SLMAP: variants seen among roughly 807,000 people sequenced by gnomAD.
SLMAP encodes the protein sarcolemmal membrane-associated protein.
SLMAP carries 44 observed loss-of-function variants against 128.8 expected under a neutral mutation model. The observed-to-expected ratio is 0.34, with a 90% CI of 0.27 to 0.44. SLMAP has a LOEUF of 0.44. SLMAP is among the 20% of genes least tolerant of loss of function. SLMAP has a pLI of 1.00. For missense variants in SLMAP, 787 were observed against 985.3 expected (o/e 0.80, Z 2.69); for synonymous variants, 327 against 348.8 (o/e 0.94, Z 0.70).
At chr3:57,925,338 T>TTC (rs1288368218) in intron 23 of SLMAP, among the ~76,000 whole-genome samples, 1 of 125,066 alleles carries the variant, frequency 8.0e-6, no homozygotes, top group Non-Finnish European at 1.8e-5. Flanking sequence ...CTTTCTCTTT[T>TTC]TTTTTTTTTT....
chr3:57,868,957 A>T (rs1270356757), intron 13 of SLMAP, among the ~76,000 whole-genome samples: 1 of 134,856 alleles, frequency 7.4e-6, no homozygotes, highest in African/African-American at 2.7e-5. Flanking sequence ...ATTATATATA[A>T]TATATGTGTG....
chr3:57,848,520 CCTT>C (rs2094371785), intron 5 of SLMAP, among the ~76,000 whole-genome samples: 1 of 147,164 alleles, frequency 6.8e-6, no homozygotes, highest in Admixed American at 6.9e-5. Flanking sequence ...TCTTCTTCTT[CCTT>C]CTTTCTCCTT....
chr3:57,775,663 C>A (rs2081773076), intron 2 of SLMAP, among the ~76,000 whole-genome samples: 1 of 152,090 alleles, frequency 6.6e-6, no homozygotes, highest in African/African-American at 2.4e-5. Context: ...GCACTCCAGC[C>A]TGGGAGACAG....
At chr3:57,927,214 G>T in intron 24 of SLMAP, 82 bp from the exon 25 acceptor site, 1 of 745,196 alleles carries the variant, frequency 1.3e-6, no homozygotes, top group South Asian at 1.9e-5. Flanking sequence ...TAAGTATTCA[G>T]GACTCTCTGG....
At chr3:57,869,392 A>G (rs960509524) in intron 13 of SLMAP, among the ~76,000 whole-genome samples, 4 of 151,322 alleles carry the variant, frequency 2.6e-5, no homozygotes, top group African/African-American at 9.7e-5. Context: ...AGACACACCC[A>G]GGATTAATAC....
chr3:57,918,258 T>G (rs2096851574), intron 22 of SLMAP: 1 of 152,242 alleles, frequency 6.6e-6, no homozygotes, highest in South Asian at 2.1e-4. Flanking sequence ...TATGCCATAA[T>G]TCTTTCAAAC....
At position 57,836,318 on chromosome 3, in the gene SLMAP, T is replaced by G. The variant is rs1431746043; in HGVS notation, c.346+4788T>G. On this transcript the variant is annotated intron_variant, in intron 3 of 24. Coordinates refer to ENST00000671191, the MANE Select transcript of SLMAP (RefSeq NM_001377540.1). ...TCACCCAGTATGTAGGACATTTATG[T>G]ATTTATATAAACTAATTTGTGTATA... Among the ~76,000 whole-genome samples, 4 of 152,156 alleles carry G rather than the reference T, an allele frequency of 2.6e-5. No individual in the cohort carries two copies. The East Asian group carries it at 7.7e-4, about 29-fold the overall frequency.
chr3:57,910,670 A>G (rs766971919), intron 19 of SLMAP, among the ~76,000 whole-genome samples: 2 of 152,142 alleles, frequency 1.3e-5, no homozygotes, highest in Non-Finnish European at 2.9e-5. Flanking sequence ...CTGGTATATT[A>G]TGAGGAAATT....
Position 57,914,643 on chromosome 3 carries a change from C to T in SLMAP, c.2138+1368C>T, listed in dbSNP as rs182086576. Among the ~76,000 whole-genome samples, 27 of 151,364 alleles carry T rather than the reference C, an allele frequency of 1.8e-4. 1 individual carries two copies. In the East Asian group the frequency reaches 4.3e-3, roughly 24 times the overall value. ...TGTGGCCCAGGCTAGAGATCAGTGGCGCGATCTCAGCTCATCACAACCTCC... is the reference window on the plus strand; with the variant it reads ...TGTGGCCCAGGCTAGAGATCAGTGGTGCGATCTCAGCTCATCACAACCTCC... On this transcript the variant is annotated intron_variant, in intron 21 of 24. Transcript: ENST00000671191.
intron 19 of SLMAP, 73 bp downstream of exon 19, chr3:57,909,223 C>A: frequency 8.9e-7 from 1 of 1,119,172 alleles, no homozygotes; most frequent in Non-Finnish European, 1.3e-6. Context: ...GGAATGGAGG[C>A]CAGGCGCAGT....
intron 3 of SLMAP, among the ~76,000 whole-genome samples, chr3:57,834,893 AG>A (rs1368074452): frequency 2.0e-5 from 3 of 152,080 alleles, no homozygotes; most frequent in African/African-American, 7.2e-5. Flanking sequence ...AGTCTGAGGC[AG>A]GTGGATTGCT....
chr3:57,787,565 C>T (rs1392056624), intron 2 of SLMAP, among the ~76,000 whole-genome samples: 1 of 152,226 alleles, frequency 6.6e-6, no homozygotes, highest in East Asian at 1.9e-4. Flanking sequence ...CAACCTCTGC[C>T]TCTCGGGTTC....
chr3:57,862,740 A>C (rs912766835), intron 10 of SLMAP, among the ~76,000 whole-genome samples: 3 of 152,126 alleles, frequency 2.0e-5, no homozygotes, highest in African/African-American at 7.2e-5. Context: ...AATTATGCTG[A>C]AAGTATGAAA....
At chr3:57,763,623 G>A (rs1326364918) in intron 2 of SLMAP, among the ~76,000 whole-genome samples, 1 of 152,010 alleles carries the variant, frequency 6.6e-6, no homozygotes, top group Non-Finnish European at 1.5e-5. Flanking sequence ...TTTTAGTGAA[G>A]GGCATAGTGG....
chr3:57,884,129 A>G (rs752577731), intron 14 of SLMAP, among the ~76,000 whole-genome samples: 35 of 151,924 alleles, frequency 2.3e-4, no homozygotes, highest in Non-Finnish European at 4.3e-4. Flanking sequence ...GGGTTTTGTC[A>G]TGTTGCCCAG....
chr3:57,906,302 T>A (rs1337112571), intron 17 of SLMAP, among the ~76,000 whole-genome samples: 3 of 97,812 alleles, frequency 3.1e-5, no homozygotes, highest in Non-Finnish European at 6.3e-5. Context: ...ATTTTTTTCT[T>A]TTTTTTTCTT....
intron 13 of SLMAP, among the ~76,000 whole-genome samples, chr3:57,868,234 G>C (rs2095359098): frequency 6.6e-6 from 1 of 151,996 alleles, no homozygotes; most frequent in Non-Finnish European, 1.5e-5. Flanking sequence ...TACTCAGCCT[G>C]GGTGACAGAG....
At position 57,912,634 on chromosome 3, in the gene SLMAP, A is replaced by C. The variant is rs1269672891; in HGVS notation, c.1953A>C (p.Gln651His). The change falls in exon 20 of 25, where the codon CAA (glutamine) becomes CAC (histidine). Residue 651 changes from glutamine to histidine, a missense_variant. Physicochemically the swap from Gln to His is conservative, Grantham distance 24. Coordinates refer to ENST00000671191, the MANE Select transcript of SLMAP (RefSeq NM_001377540.1). The part of the protein sequence containing the change: ...SEYEKEITSL[Q>H]NSFQLRCQQC... Reference sequence around the variant, plus strand: ...ATGAGAAAGAAATCACAAGTCTGCAAAACAGTTTTCAGCTTAGATGTCAAC... The same window carrying C: ...ATGAGAAAGAAATCACAAGTCTGCACAACAGTTTTCAGCTTAGATGTCAAC... 6.2e-7 allele frequency: 1 copy of C among 1,614,034 alleles called. No homozygotes were observed. The highest frequency in any genetic ancestry group is 1.3e-5 in the African/African-American group (1 of 74,950).
chr3:57,872,830 G>T (rs866997171), intron 14 of SLMAP, among the ~76,000 whole-genome samples: 1 of 152,168 alleles, frequency 6.6e-6, no homozygotes, highest in Non-Finnish European at 1.5e-5. Flanking sequence ...AATGTCTGCG[G>T]TTTTTCCCAT....
Sources: gnomAD v4.1 joint callset for allele counts (sites outside exome capture counted in the v4.1 genomes callset) on GRCh38, gnomAD v4.1.1 for gene constraint, MANE v1.5 for transcripts, NCBI Gene and HGNC (gene_info 2026-07-23, HGNC 2026-07-21) for gene names.